The following OR6Y1 variants were observed in gnomAD, a reference collection of about 807,000 sequenced individuals.
OR6Y1 encodes olfactory receptor family 6 subfamily Y member 1, also known as olfactory receptor 6Y1.
A neutral mutation model predicts 0.4 loss-of-function variants in OR6Y1; 1 was observed. The observed-to-expected ratio is 2.74, with a 90% CI of 0.97 to 13.02. The LOEUF is 13.02. Among genes scored for constraint, OR6Y1 ranks in the 30% most tolerant of loss-of-function variants. The pLI is 0.12. For missense variants in OR6Y1, 480 were observed against 399.8 expected, an observed-to-expected ratio of 1.20 and a Z score of -1.71; for synonymous variants, 173 against 141.1, an observed-to-expected ratio of 1.23 and a Z score of -1.60.
chr1:158,550,228 A>T (rs371706544), intron 1 of OR6Y1, among the ~76,000 whole-genome samples: 76,511 of 150,790 alleles, frequency 0.51, 20,040 homozygotes, highest in African/African-American at 0.61. Context: ...CCTTTGCAAT[A>T]GATATTGTCA....
Position 158,550,259 on chromosome 1 carries a change from A to C in OR6Y1, c.-1432-722T>G, listed in dbSNP as rs148871762. The stretch of plus-strand genomic sequence containing the variant: ...TGTCATTCTTGGGTAGCTGCTTCAG[A>C]CATGAAGCTGGAAATAAAAACATCT... On this transcript the variant is annotated intron_variant, in intron 1 of 1. Transcript: ENST00000641622. Among the ~76,000 whole-genome samples, 180 of 150,218 alleles carry C rather than the reference A, an allele frequency of 1.2e-3. 3 individuals carry two copies. The highest frequency in any genetic ancestry group is 3.8e-3 in the African/African-American group (154 of 40,368).
chr1:158,545,514 A>C lies in OR6Y1; in HGVS notation c.*1614T>G, dbSNP rs1647499036. 1 of 144,802 alleles carries C rather than the reference A, an allele frequency of 6.9e-6. No individual in the cohort carries two copies. The highest frequency in any genetic ancestry group is 1.5e-5 in the Non-Finnish European group (1 of 65,504). 9.0% of individuals were successfully genotyped at this position (144,802 alleles called of 1,614,324 possible). A position where few individuals can be genotyped will look rare whatever the true frequency, so the allele number is the denominator to read the frequency against. ...AAAATAAAATAAAATAAAACCACTC[A>C]TTGTGGATTCGATTTTCATTTCTCT... On this transcript the variant is annotated 3_prime_UTR_variant, in exon 2 of 2. Transcript: ENST00000641622.
Position 158,548,119 on chromosome 1 carries a change from C to T in OR6Y1, c.-14G>A. The T allele has an allele frequency of 6.2e-7, 1 of 1,604,318 alleles. No homozygotes were observed. The highest frequency in any genetic ancestry group is 8.5e-7 in the Non-Finnish European group (1 of 1,176,294). On this transcript the variant is annotated 5_prime_UTR_variant, in exon 2 of 2. Transcript: ENST00000641622. ...TATGGTGGTCATGACTGGCTGTGGG[C>T]ACAGACAAAGTCAGTTCCTTCCATG...
In OR6Y1 at chr1:158,552,714, G is replaced by A. The variant is rs16840322; in HGVS notation, c.-1433+1552C>T. On this transcript the variant is annotated intron_variant, in intron 1 of 1. Transcript: ENST00000641622. Reference sequence around the variant, plus strand: ...AGTCTTCAAAAATGGAACATAGGTAGTGAAAGAAGTAACAAAGCAATCACT... The same window carrying A: ...AGTCTTCAAAAATGGAACATAGGTAATGAAAGAAGTAACAAAGCAATCACT... Among the ~76,000 whole-genome samples the A allele has an allele frequency of 2.8e-3, 420 of 152,228 alleles. 4 individuals carry two copies. Among genetic ancestry groups the A allele is most frequent in the Middle Eastern group, 0.01 (3 of 294 alleles).
chr1:158,546,185 G>A lies in OR6Y1; in HGVS notation c.*943C>T, dbSNP rs547778913. ...TCATATTGTCTTAGGGCCCACCCTA[G>A]CAGTCAAATTTTAGCTCGATTACCA... On this transcript the variant is annotated 3_prime_UTR_variant, in exon 2 of 2. Coordinates refer to ENST00000641622, the MANE Select transcript of OR6Y1 (RefSeq NM_001005189.2). 2.6e-4 allele frequency: 39 copies of A among 152,124 alleles called. No individual in the cohort carries two copies. The highest frequency in any genetic ancestry group is 9.4e-4 in the African/African-American group (39 of 41,504). 9.4% of individuals were successfully genotyped at this position (152,124 alleles called of 1,614,324 possible).
In OR6Y1 at chr1:158,548,933, A is replaced by G. The variant is rs1046115688; in HGVS notation, c.-828T>C. On this transcript the variant is annotated 5_prime_UTR_variant, in exon 2 of 2. Transcript: ENST00000641622. Reference sequence around the variant, plus strand: ...TTAGAGTTTAAATTCAGTTCCTATGATATTTGCTGTGACCTTTCCAGGCTA... The same window carrying G: ...TTAGAGTTTAAATTCAGTTCCTATGGTATTTGCTGTGACCTTTCCAGGCTA... The G allele has an allele frequency of 1.3e-4, 19 of 151,732 alleles. 1 individual carries two copies. The highest frequency in any genetic ancestry group is 3.9e-4 in the African/African-American group (16 of 41,094). 9.4% of individuals were successfully genotyped at this position (151,732 alleles called of 1,614,324 possible). A position where few individuals can be genotyped will look rare whatever the true frequency, so the allele number is the denominator to read the frequency against.
chr1:158,547,055 A>G lies in OR6Y1; in HGVS notation c.*73T>C. The G allele has an allele frequency of 6.8e-7, 1 of 1,467,758 alleles. No individual in the cohort carries two copies. The highest frequency in any genetic ancestry group is 9.2e-7 in the Non-Finnish European group (1 of 1,085,402). 90.9% of individuals were successfully genotyped at this position (1,467,758 alleles called of 1,614,324 possible). On this transcript the variant is annotated 3_prime_UTR_variant, in exon 2 of 2. Coordinates refer to ENST00000641622, the MANE Select transcript of OR6Y1 (RefSeq NM_001005189.2). ...CAGTACTGGAGATTGGGGGATAACC[A>G]AAGACAAGACTGAGGGGGAAAGTGT...
At position 158,548,817 on chromosome 1, in the gene OR6Y1, G is replaced by C. The variant is rs536223314; in HGVS notation, c.-712C>G. The C allele has an allele frequency of 6.6e-6, 1 of 151,798 alleles. No homozygotes were observed. The highest frequency in any genetic ancestry group is 1.9e-4 in the East Asian group (1 of 5,198). 9.4% of individuals were successfully genotyped at this position (151,798 alleles called of 1,614,324 possible). ...TTTGTCTTTGTATAGCTAAGTGAGAGTACCACATAATCTTTTAGAATATTA... is the reference window on the plus strand; with the variant it reads ...TTTGTCTTTGTATAGCTAAGTGAGACTACCACATAATCTTTTAGAATATTA... On this transcript the variant is annotated 5_prime_UTR_variant, in exon 2 of 2. An upstream open reading frame in the 5' UTR gains an earlier in-frame stop. Coordinates refer to ENST00000641622, the MANE Select transcript of OR6Y1 (RefSeq NM_001005189.2).
intron 1 of OR6Y1, among the ~76,000 whole-genome samples, chr1:158,551,668 C>T (rs916156234): frequency 1.4e-4 from 21 of 151,142 alleles, no homozygotes; most frequent in South Asian, 2.1e-4. Context: ...AAAGTTAGTG[C>T]GAGTCTTACA....
In OR6Y1 at chr1:158,547,990, G is replaced by T. The variant is rs1218375408; in HGVS notation, c.116C>A (p.Thr39Asn). 6.2e-7 allele frequency: 1 copy of T among 1,613,576 alleles called. No individual in the cohort carries two copies. Among genetic ancestry groups the T allele is most frequent in the South Asian group, 1.1e-5 (1 of 91,074 alleles). ...QLLFFSIFLA[T>N]YLLTLLENLL... Reference sequence around the variant, plus strand: ...ATTCTCCAGCAGTGTCAGCAGATAGGTTGCCAGGAAAATGGAGAAAAAGAG... The same window carrying T: ...ATTCTCCAGCAGTGTCAGCAGATAGTTTGCCAGGAAAATGGAGAAAAAGAG... The change falls in exon 2 of 2, where the codon ACC becomes AAC. Residue 39 changes from threonine to asparagine, a missense_variant. Physicochemically the swap from Thr to Asn is moderately conservative, Grantham distance 65. Coordinates refer to ENST00000641622, the MANE Select transcript of OR6Y1 (RefSeq NM_001005189.2).
Position 158,545,550 on chromosome 1 carries a change from G to A in OR6Y1, c.*1578C>T, listed in dbSNP as rs1311508475. 3 of 151,996 alleles carry A rather than the reference G, an allele frequency of 2.0e-5. No individual in the cohort carries two copies. The highest frequency in any genetic ancestry group is 7.2e-5 in the African/African-American group (3 of 41,402). The allele number at this position is 151,996 out of a possible 1,614,324, so 9.4% of individuals were successfully genotyped here. ...GATTTTCATTTCTCTAATGATCAGT[G>A]AGCCTTTTTTTCATATGATTGTTGG... is the stretch of plus-strand genomic sequence containing the variant. On this transcript the variant is annotated 3_prime_UTR_variant, in exon 2 of 2. Transcript: ENST00000641622.
At position 158,548,264 on chromosome 1, in the gene OR6Y1, C is replaced by G; in HGVS notation, c.-159G>C. The G allele has an allele frequency of 1.5e-6, 1 of 671,984 alleles. No homozygotes were observed. The highest frequency in any genetic ancestry group is 2.4e-6 in the Non-Finnish European group (1 of 411,412). 41.6% of individuals were successfully genotyped at this position (671,984 alleles called of 1,614,324 possible). On this transcript the variant is annotated 5_prime_UTR_variant, in exon 2 of 2. Transcript: ENST00000641622. ...TCTTGAATTATGAAGAGAACCAAAG[C>G]TTTTGAGAAAAGATGGAATTTAGGG...
At chr1:158,551,597 G>A (rs1480889880) in intron 1 of OR6Y1, among the ~76,000 whole-genome samples, 1 of 151,430 alleles carries the variant, frequency 6.6e-6, no homozygotes, top group African/African-American at 2.4e-5. Context: ...TTACTTATCT[G>A]ACCCGATTCT....
At position 158,548,048 on chromosome 1, in the gene OR6Y1, G is replaced by T; in HGVS notation, c.58C>A (p.Leu20Met). ...NHTVTTRFIL[L>M]GFPTRPAFQL... ...AAGGCTGGTCGTGTTGGAAACCCCA[G>T]AAGAATGAAACGTGTTGTCACTGTA... The change falls in exon 2 of 2, where the codon CTG becomes ATG. Residue 20 changes from leucine (L) to methionine (M), a missense_variant. Transcript: ENST00000641622. The T allele has an allele frequency of 6.2e-7, 1 of 1,613,570 alleles. No individual in the cohort carries two copies. The highest frequency in any genetic ancestry group is 1.1e-5 in the South Asian group (1 of 91,080).
chr1:158,547,206 A>G lies in OR6Y1; in HGVS notation c.900T>C (p.His300=). 1.2e-6 allele frequency: 2 copies of G among 1,613,510 alleles called. No individual in the cohort carries two copies. The highest frequency in any genetic ancestry group is 8.5e-7 in the Non-Finnish European group (1 of 1,179,886). The change falls in exon 2 of 2, where the codon CAT becomes CAC. Residue 300 remains histidine (H), a synonymous_variant. Coordinates refer to ENST00000641622, the MANE Select transcript of OR6Y1 (RefSeq NM_001005189.2). ...TCTTTCTGAGGGCTGCCTTTACTTC[A>G]TGGTTCCTCAGACAGTAAATGATGG... ...LNPIIYCLRN[H]EVKAALRKTI... is the part of the protein sequence containing the mutation.
chr1:158,545,386 G>T lies in OR6Y1; in HGVS notation c.*1742C>A, dbSNP rs1459663862. 3.3e-5 allele frequency: 5 copies of T among 150,640 alleles called. No homozygotes were observed. Among genetic ancestry groups the T allele is most frequent in the African/African-American group, 7.3e-5 (3 of 40,976 alleles). The allele number at this position is 150,640 out of a possible 1,614,324, so 9.3% of individuals were successfully genotyped here. On this transcript the variant is annotated 3_prime_UTR_variant, in exon 2 of 2. Coordinates refer to ENST00000641622, the MANE Select transcript of OR6Y1 (RefSeq NM_001005189.2). The stretch of plus-strand genomic sequence containing the variant: ...AGATATACCTAATGCTAAATGATGA[G>T]TTAATGGGTGCAGCACACCAACATG...
intron 1 of OR6Y1, among the ~76,000 whole-genome samples, chr1:158,553,979 CAT>C (rs1298718111): frequency 5.9e-5 from 9 of 152,160 alleles, no homozygotes; most frequent in African/African-American, 1.7e-4. Flanking sequence ...TAACATATTT[CAT>C]ATGGCTAGAC....
Position 158,546,975 on chromosome 1 carries a change from G to A in OR6Y1, c.*153C>T, listed in dbSNP as rs1448713707. 1.5e-6 allele frequency: 1 copy of A among 673,312 alleles called. No homozygotes were observed. Among genetic ancestry groups the A allele is most frequent in the African/African-American group, 1.9e-5 (1 of 52,232 alleles). The allele number at this position is 673,312 out of a possible 1,614,324, so 41.7% of individuals were successfully genotyped here. On this transcript the variant is annotated 3_prime_UTR_variant, in exon 2 of 2. Transcript: ENST00000641622. ...CTTGAGAACATGTTTCTCCAGTCAT[G>A]ATTGTGTATACACACACACACACAT...
chr1:158,554,041 A>G (rs1296991036), intron 1 of OR6Y1, among the ~76,000 whole-genome samples: 1 of 152,242 alleles, frequency 6.6e-6, no homozygotes, highest in African/African-American at 2.4e-5. Context: ...TAATCTATAT[A>G]TATACTAAAT....
Sources: allele counts gnomAD v4.1 joint callset (sites outside exome capture counted in the v4.1 genomes callset), GRCh38; gene constraint gnomAD v4.1.1; transcripts MANE v1.5; gene names NCBI Gene and HGNC (gene_info 2026-07-23, HGNC 2026-07-21).